Variants in CRYGB observed in about 807,000 individuals in gnomAD.
CRYGB encodes the protein crystallin gamma B, also known as gamma-crystallin B.
In CRYGB, 19 loss-of-function variants were observed where a neutral mutation model predicts 21.3. The ratio of observed to expected loss-of-function variants is 0.89; its 90% CI spans 0.62 to 1.31. CRYGB has a LOEUF of 1.31. Ranked by LOEUF, CRYGB falls within the 50% of genes most tolerant of loss-of-function variation. The pLI is 0.00. For missense variants in CRYGB, 254 were observed against 228.4 expected (o/e 1.11, Z -0.72); for synonymous variants, 81 against 81.2 (o/e 1.00, Z 0.01).
intron 2 of CRYGB, among the ~76,000 whole-genome samples, chr2:208,143,515 TTTTTG>T (rs1695396213): frequency 7.0e-6 from 1 of 142,562 alleles, no homozygotes; most frequent in Non-Finnish European, 1.6e-5. Context: ...ACTGTTTTTT[TTTTTG>T]AGACAGAGTT....
intron 2 of CRYGB, among the ~76,000 whole-genome samples, chr2:208,144,386 C>T (rs760197704): frequency 5.7e-5 from 7 of 122,782 alleles, no homozygotes; most frequent in Admixed American, 1.5e-4. Flanking sequence ...TATATGCGCA[C>T]GCACACACAC....
Position 208,145,805 on chromosome 2 carries a change from T to C in CRYGB, c.221A>G (p.Asp74Gly). Residue 74 changes from aspartate (D) to glycine (G), a missense_variant, in exon 2 of 3, where the codon GAC becomes GGC. Physicochemically the swap from Asp to Gly is moderately conservative, Grantham distance 94. Transcript: ENST00000260988. ...PDYQQWMGLS[D>G]SIRSCCLIPP... is the part of the protein sequence containing the mutation. ...GATGAGGCAGCAGGAGCGGATGGAG[T>C]CGCTGAGGCCCATCCATTGCTGGTA... 11 of 1,609,148 alleles carry C rather than the reference T, an allele frequency of 6.8e-6. No individual in the cohort carries two copies. Among genetic ancestry groups the C allele is most frequent in the Non-Finnish European group, 9.3e-6 (11 of 1,179,154 alleles).
rs778414651 is a variant in CRYGB at position 208,146,094 on chromosome 2, C to G, written c.9+18G>C. ...CTGCATTAGGGCCAAGGCTGAGCATCCGGTACCCAGGACTTACCTTTCCCA... is the reference window on the plus strand; with the variant it reads ...CTGCATTAGGGCCAAGGCTGAGCATGCGGTACCCAGGACTTACCTTTCCCA... On this transcript the variant is annotated intron_variant, in intron 1 of 2. Transcript: ENST00000260988. 1 of 1,614,196 alleles carries G rather than the reference C, an allele frequency of 6.2e-7. No homozygotes were observed. Among genetic ancestry groups the G allele is most frequent in the South Asian group, 1.1e-5 (1 of 91,080 alleles).
chr2:208,144,457 G>A (rs529039064), intron 2 of CRYGB, among the ~76,000 whole-genome samples: 36 of 152,194 alleles, frequency 2.4e-4, no homozygotes, highest in Middle Eastern at 3.4e-3. Context: ...AGGCTGGAGT[G>A]CAATGGCATG....
intron 2 of CRYGB, among the ~76,000 whole-genome samples, chr2:208,144,290 A>G (rs1217064662): frequency 6.6e-6 from 1 of 152,214 alleles, no homozygotes; most frequent in Non-Finnish European, 1.5e-5. Flanking sequence ...TGCTGGGATT[A>G]CAGGCATGAG....
In CRYGB at chr2:208,145,842, C is replaced by G. The variant is rs765137951; in HGVS notation, c.184G>C (p.Glu62Gln). 3 of 1,613,922 alleles carry G rather than the reference C, an allele frequency of 1.9e-6. No homozygotes were observed. Among genetic ancestry groups the G allele is most frequent in the Non-Finnish European group, 2.5e-6 (3 of 1,179,894 alleles). The change falls in exon 2 of 3, where the codon GAG (glutamate) becomes CAG (glutamine). Residue 62 changes from glutamate to glutamine, a missense_variant. Glu to Gln is a conservative substitution (Grantham distance 29). Transcript: ENST00000260988. Reference sequence around the variant, plus strand: ...ATCCATTGCTGGTAGTCAGGGTACTCCCCACGCCGCAGGAAGTACTGGTGG... The same window carrying G: ...ATCCATTGCTGGTAGTCAGGGTACTGCCCACGCCGCAGGAAGTACTGGTGG... Reference protein sequence around the residue: ...QGHQYFLRRGEYPDYQQWMGL... With the variant: ...QGHQYFLRRGQYPDYQQWMGL...
intron 2 of CRYGB, among the ~76,000 whole-genome samples, chr2:208,143,144 A>G (rs1354384010): frequency 1.3e-5 from 2 of 152,242 alleles, no homozygotes; most frequent in Non-Finnish European, 2.9e-5. Flanking sequence ...AGATTTGCTT[A>G]CAATAAAATA....
In CRYGB at chr2:208,146,036, G is replaced by A; in HGVS notation, c.10-20C>T. The A allele has an allele frequency of 1.2e-6, 2 of 1,611,552 alleles. No individual in the cohort carries two copies. Among genetic ancestry groups the A allele is most frequent in the Non-Finnish European group, 1.7e-6 (2 of 1,179,240 alleles). On this transcript the variant is annotated intron_variant, in intron 1 of 2. Transcript: ENST00000260988. The stretch of plus-strand genomic sequence containing the variant: ...GGTGATCTGAAAAATGGAAGATGTG[G>A]GAGCATGGAGTGATTGGCCCCCACT...
At position 208,146,001 on chromosome 2, in the gene CRYGB, C is replaced by G. The variant is rs367559729; in HGVS notation, c.25G>C (p.Asp9His). 1.2e-6 allele frequency: 2 copies of G among 1,614,038 alleles called. No homozygotes were observed. Among genetic ancestry groups the G allele is most frequent in the African/African-American group, 1.3e-5 (1 of 74,904 alleles). The change falls in exon 2 of 3, where the codon GAC becomes CAC. Residue 9 changes from aspartate (D) to histidine (H), a missense_variant. Coordinates refer to ENST00000260988, the MANE Select transcript of CRYGB (RefSeq NM_005210.4). Reference protein sequence around the residue: MGKITFYEDRAFQGRSYEC... With the variant: MGKITFYEHRAFQGRSYEC... Reference sequence around the variant, plus strand: ...TAGCTGCGGCCCTGGAAGGCCCTGTCCTCGTAGAAGGTGATCTGAAAAATG... The same window carrying G: ...TAGCTGCGGCCCTGGAAGGCCCTGTGCTCGTAGAAGGTGATCTGAAAAATG...
chr2:208,145,738 C>A, intron 2 of CRYGB, 36 bp downstream of exon 2: 3 of 1,533,426 alleles, frequency 2.0e-6, no homozygotes, highest in Non-Finnish European at 1.7e-6. Context: ...CTTTTATTTC[C>A]AAAAAGATGG....
chr2:208,143,011 G>C, intron 2 of CRYGB, 98 bp from the exon 3 acceptor site: 2 of 1,358,012 alleles, frequency 1.5e-6, no homozygotes, highest in East Asian at 2.4e-5. Context: ...CTGCCCAGAA[G>C]TTCTCCCAGG....
intron 2 of CRYGB, among the ~76,000 whole-genome samples, chr2:208,144,790 C>T (rs890092928): frequency 6.6e-6 from 1 of 151,906 alleles, no homozygotes; most frequent in Non-Finnish European, 1.5e-5. Context: ...GGGGTTTCAC[C>T]ATATTGGCCA....
intron 2 of CRYGB, 23 bp downstream of exon 2, chr2:208,145,751 G>C (rs377372285): frequency 6.3e-7 from 1 of 1,585,160 alleles, no homozygotes; most frequent in African/African-American, 1.4e-5. Context: ...AAAGATGGAA[G>C]GCAAAGACAG....
In CRYGB at chr2:208,142,775, T is replaced by A. The variant is rs1350988588; in HGVS notation, c.391A>T (p.Ser131Cys). The change falls in exon 3 of 3, where the codon AGC becomes TGC. Residue 131 changes from serine to cysteine, a missense_variant. Ser to Cys is a moderately radical substitution (Grantham distance 112). Transcript: ENST00000260988. ...EIHSLNVLEGSWILYEMPNYR... is the reference protein window; with the variant it reads ...EIHSLNVLEGCWILYEMPNYR... ...TTGGGCATCTCATAGAGGATCCAGCTGCCCTCCAGCACATTGAGGGAGTGA... is the reference window on the plus strand; with the variant it reads ...TTGGGCATCTCATAGAGGATCCAGCAGCCCTCCAGCACATTGAGGGAGTGA... The A allele has an allele frequency of 1.9e-6, 3 of 1,614,176 alleles. No individual in the cohort carries two copies. Among genetic ancestry groups the A allele is most frequent in the Non-Finnish European group, 2.5e-6 (3 of 1,180,028 alleles).
chr2:208,143,481 C>T (rs1023395648), intron 2 of CRYGB, among the ~76,000 whole-genome samples: 1 of 151,866 alleles, frequency 6.6e-6, no homozygotes, highest in Non-Finnish European at 1.5e-5. Context: ...ATCAAGGGCT[C>T]AAAGAACCTT....
chr2:208,142,741 C>T lies in CRYGB; in HGVS notation c.425G>A (p.Gly142Glu). The stretch of plus-strand genomic sequence containing the variant: ...CCCCGGCCTCAGCAGATACTGCCTC[C>T]CCCTGTAGTTGGGCATCTCATAGAG... ...WILYEMPNYR[G>E]RQYLLRPGEY... Residue 142 changes from glycine to glutamate, a missense_variant, in exon 3 of 3, where the codon GGG becomes GAG. Gly to Glu is a moderately conservative substitution (Grantham distance 98). Transcript: ENST00000260988. 6.2e-7 allele frequency: 1 copy of T among 1,614,130 alleles called. No homozygotes were observed. The highest frequency in any genetic ancestry group is 8.5e-7 in the Non-Finnish European group (1 of 1,180,028).
Position 208,142,867 on chromosome 2 carries a change from C to T in CRYGB, c.299G>A (p.Arg100Lys). The T allele has an allele frequency of 6.2e-7, 1 of 1,613,234 alleles. No individual in the cohort carries two copies. The highest frequency in any genetic ancestry group is 8.5e-7 in the Non-Finnish European group (1 of 1,179,670). ...GTCTGTGAGCTCTGACATTTGTCCC[C>T]TCAATTCATCTCTGTCGTAGATCTT... The part of the protein sequence containing the change: ...RMKIYDRDEL[R>K]GQMSELTDDC... Residue 100 changes from arginine to lysine, a missense_variant, in exon 3 of 3, where the codon AGG (arginine) becomes AAG (lysine). Coordinates refer to ENST00000260988, the MANE Select transcript of CRYGB (RefSeq NM_005210.4).
rs780076434 is a variant in CRYGB at position 208,142,839 on chromosome 2, G to A, written c.327C>T (p.Asp109=). Residue 109 remains aspartate, a synonymous_variant, in exon 3 of 3, where the codon GAC becomes GAT. Coordinates refer to ENST00000260988, the MANE Select transcript of CRYGB (RefSeq NM_005210.4). ...LRGQMSELTD[D]CISVQDRFHL... is the part of the protein sequence containing the mutation. ...GGAAGCGGTCCTGAACAGAGATACA[G>A]TCGTCTGTGAGCTCTGACATTTGTC... The A allele has an allele frequency of 9.9e-6, 16 of 1,614,172 alleles. No homozygotes were observed. The highest frequency in any genetic ancestry group is 1.4e-5 in the Non-Finnish European group (16 of 1,180,028).
rs771107615 is a variant in CRYGB at position 208,146,017 on chromosome 2, C to T, written c.10-1G>A. 1.9e-6 allele frequency: 3 copies of T among 1,614,014 alleles called. No homozygotes were observed. Among genetic ancestry groups the T allele is most frequent in the Non-Finnish European group, 2.5e-6 (3 of 1,180,012 alleles). On this transcript the variant is annotated splice_acceptor_variant, in intron 1 of 2. Coordinates refer to ENST00000260988, the MANE Select transcript of CRYGB (RefSeq NM_005210.4). LOFTEE classifies it high-confidence loss of function. Reference sequence around the variant, plus strand: ...AGGCCCTGTCCTCGTAGAAGGTGATCTGAAAAATGGAAGATGTGGGAGCAT... The same window carrying T: ...AGGCCCTGTCCTCGTAGAAGGTGATTTGAAAAATGGAAGATGTGGGAGCAT...
Sources: allele counts gnomAD v4.1 joint callset (sites outside exome capture counted in the v4.1 genomes callset), GRCh38; gene constraint gnomAD v4.1.1; transcripts MANE v1.5; gene names NCBI Gene and HGNC (gene_info 2026-07-23, HGNC 2026-07-21).